Variants in HTR2A observed in about 807,000 individuals in gnomAD.
HTR2A encodes 5-HT2 receptor.
HTR2A carries 14 observed loss-of-function variants against 31.0 expected under a neutral mutation model. The observed-to-expected ratio is 0.45, with a 90% confidence interval of 0.30 to 0.71. The LOEUF is 0.71. Ranked by LOEUF, HTR2A falls within the 30% of genes least tolerant of loss-of-function variation. The pLI is 0.09. For missense variants in HTR2A, 442 were observed against 573.3 expected (o/e 0.77, Z 2.34); for synonymous variants, 209 against 225.2 (o/e 0.93, Z 0.64).
chr13:46,835,954 A>G lies in HTR2A; in HGVS notation c.614-315T>C, dbSNP rs1876440046. 2.6e-5 allele frequency among the ~76,000 whole-genome samples: 4 copies of G among 152,210 alleles called. No homozygotes were observed. In the South Asian group the frequency reaches 6.2e-4, roughly 24 times the overall value. On this transcript the variant is annotated intron_variant, in intron 3 of 3. Coordinates refer to ENST00000542664, the MANE Select transcript of HTR2A (RefSeq NM_000621.5). Reference sequence around the variant, plus strand: ...TAATTGAAGAAACACACAGAGAGGCAAATAAACTAAAAATTGTCCAATAAC... The same window carrying G: ...TAATTGAAGAAACACACAGAGAGGCGAATAAACTAAAAATTGTCCAATAAC...
At chr13:46,881,657 C>T (rs1950964451) in intron 3 of HTR2A, among the ~76,000 whole-genome samples, 1 of 152,156 alleles carries the variant, frequency 6.6e-6, no homozygotes, top group Non-Finnish European at 1.5e-5. Context: ...ACAGGTAACC[C>T]AAAGCCCTTT....
intron 3 of HTR2A, among the ~76,000 whole-genome samples, chr13:46,887,658 G>GA (rs1431061097): frequency 6.6e-6 from 1 of 151,902 alleles, no homozygotes; most frequent in Non-Finnish European, 1.5e-5. Flanking sequence ...AGAATTAAAT[G>GA]AAAAAATCTA....
At chr13:46,849,587 T>C (rs1389441728) in intron 3 of HTR2A, among the ~76,000 whole-genome samples, 1 of 152,166 alleles carries the variant, frequency 6.6e-6, no homozygotes, top group Admixed American at 6.6e-5. Flanking sequence ...CCCCGTAAGC[T>C]GGTTACTTCA....
intron 1 of HTR2A, 22 bp downstream of exon 1, chr13:46,896,652 A>T (rs753235480): frequency 5.3e-6 from 8 of 1,496,982 alleles, no homozygotes; most frequent in Non-Finnish European, 7.1e-6. Context: ...CAGCAATAAA[A>T]TATAGCGGCA....
chr13:46,860,785 T>C (rs1203840415), intron 3 of HTR2A, among the ~76,000 whole-genome samples: 2 of 152,118 alleles, frequency 1.3e-5, no homozygotes, highest in African/African-American at 2.4e-5. Flanking sequence ...AATAATGAAA[T>C]TTGATGGGTT....
At chr13:46,850,373 G>C (rs1403213530) in intron 3 of HTR2A, among the ~76,000 whole-genome samples, 1 of 152,190 alleles carries the variant, frequency 6.6e-6, no homozygotes, top group Non-Finnish European at 1.5e-5. Flanking sequence ...CTATGAGTTT[G>C]TGCTATTATT....
chr13:46,877,583 G>C (rs1178323054), intron 3 of HTR2A, among the ~76,000 whole-genome samples: 1 of 152,100 alleles, frequency 6.6e-6, no homozygotes, highest in African/African-American at 2.4e-5. Context: ...TTATATGCAG[G>C]TGTACCTGGA....
chr13:46,877,435 A>C (rs1226098728), intron 3 of HTR2A, among the ~76,000 whole-genome samples: 3 of 152,242 alleles, frequency 2.0e-5, no homozygotes, highest in Non-Finnish European at 4.4e-5. Flanking sequence ...AAACAAAAGT[A>C]GTTTATTCTT....
chr13:46,867,750 G>A (rs1950829338), intron 3 of HTR2A, among the ~76,000 whole-genome samples: 1 of 152,150 alleles, frequency 6.6e-6, no homozygotes. Context: ...TGAAAACTGG[G>A]ACTTGTGCAA....
chr13:46,849,576 A>G (rs1386431400), intron 3 of HTR2A, among the ~76,000 whole-genome samples: 1 of 151,572 alleles, frequency 6.6e-6, no homozygotes, highest in African/African-American at 2.4e-5. Context: ...TGCTCCTTCA[A>G]CCCCGTAAGC....
At chr13:46,846,591 C>G (rs140564847) in intron 3 of HTR2A, among the ~76,000 whole-genome samples, 15 of 152,262 alleles carry the variant, frequency 9.9e-5, no homozygotes, top group South Asian at 2.1e-4. Context: ...TAATGGTCTC[C>G]TCAGTGAAAA....
chr13:46,858,502 T>C (rs1030887102), intron 3 of HTR2A, among the ~76,000 whole-genome samples: 8 of 152,176 alleles, frequency 5.3e-5, no homozygotes, highest in African/African-American at 1.7e-4. Flanking sequence ...TCATGTTTTA[T>C]GCCTAAGGAA....
intron 3 of HTR2A, among the ~76,000 whole-genome samples, chr13:46,855,453 GT>G (rs1045561147): frequency 3.3e-5 from 5 of 152,142 alleles, no homozygotes; most frequent in African/African-American, 1.2e-4. Context: ...ATCTCACTGG[GT>G]AGCTGTCTCA....
intron 3 of HTR2A, among the ~76,000 whole-genome samples, chr13:46,877,366 T>C (rs1415431569): frequency 2.0e-5 from 3 of 152,166 alleles, no homozygotes; most frequent in African/African-American, 7.2e-5. Flanking sequence ...CAGCTCTTTT[T>C]TTAAGCAGAC....
At chr13:46,863,657 A>AG (rs1555298353) in intron 3 of HTR2A, among the ~76,000 whole-genome samples, 16 of 118,264 alleles carry the variant, frequency 1.4e-4, no homozygotes, top group South Asian at 1.1e-3. Flanking sequence ...AAAGAAAAAA[A>AG]AAAAAGACAG....
At position 46,896,743 on chromosome 13, in the gene HTR2A, T is replaced by G; in HGVS notation, c.-398A>C. ...GACTCGCTGCATCTCTCACAGTAAT[T>G]AAACTGGTGTAGAGTCCCCTCTTCT... On this transcript the variant is annotated 5_prime_UTR_variant, in exon 1 of 4. The change abolishes the stop of an existing upstream ORF in the 5' untranslated region. Coordinates refer to ENST00000542664, the MANE Select transcript of HTR2A (RefSeq NM_000621.5). 6.5e-7 allele frequency: 1 copy of G among 1,535,506 alleles called. No individual in the cohort carries two copies. The highest frequency in any genetic ancestry group is 1.2e-5 in the South Asian group (1 of 83,972).
chr13:46,896,211 T>G lies in HTR2A; in HGVS notation c.-305A>C. The G allele has an allele frequency of 8.7e-7, 1 of 1,154,992 alleles. No individual in the cohort carries two copies. Among genetic ancestry groups the G allele is most frequent in the East Asian group, 4.7e-5 (1 of 21,360 alleles). The allele number at this position is 1,154,992 out of a possible 1,614,324, so 71.5% of individuals were successfully genotyped here. A position where few individuals can be genotyped will look rare whatever the true frequency, so the allele number is the denominator to read the frequency against. ...AGCATAGAGGTTGCAGGGTTTTTTTTGAGCGCTCGGGAAGATAAATGTCCT... is the reference window on the plus strand; with the variant it reads ...AGCATAGAGGTTGCAGGGTTTTTTTGGAGCGCTCGGGAAGATAAATGTCCT... On this transcript the variant is annotated 5_prime_UTR_variant, in exon 2 of 4. Coordinates refer to ENST00000542664, the MANE Select transcript of HTR2A (RefSeq NM_000621.5).
At chr13:46,854,127 A>G (rs1188755799) in intron 3 of HTR2A, 2 of 152,218 alleles carry the variant, frequency 1.3e-5, no homozygotes, top group Non-Finnish European at 2.9e-5. Flanking sequence ...GGACCAGCAC[A>G]GTGGACTTAG....
In HTR2A at chr13:46,889,630, G is replaced by A. The variant is rs1951035023; in HGVS notation, c.613+2760C>T. ...AGAGTGAACATATCAATAGCTTGAA[G>A]AGAAAATATCAATTGAGTCTAAAAA... On this transcript the variant is annotated intron_variant, in intron 3 of 3. Transcript: ENST00000542664. Among the ~76,000 whole-genome samples, 8 of 152,262 alleles carry A rather than the reference G, an allele frequency of 5.3e-5. No homozygotes were observed. In the South Asian group the frequency reaches 1.5e-3, roughly 28 times the overall value.
Sources: allele counts gnomAD v4.1 joint callset (sites outside exome capture counted in the v4.1 genomes callset), GRCh38; gene constraint gnomAD v4.1.1; transcripts MANE v1.5; gene names NCBI Gene and HGNC (gene_info 2026-07-23, HGNC 2026-07-21).